The following EFR3A variants were observed in gnomAD, a reference collection of about 807,000 sequenced individuals.
EFR3A encodes the protein EFR3 homolog A.
A neutral mutation model predicts 104.4 loss-of-function variants in EFR3A; 76 were observed. The ratio of observed to expected loss-of-function variants is 0.73; its 90% CI spans 0.60 to 0.88. The LOEUF is 0.88. Ranked by LOEUF, EFR3A falls within the 40% of genes least tolerant of loss-of-function variation. EFR3A has a pLI of 0.00. For missense variants in EFR3A, 985 were observed against 1,012.5 expected, an observed-to-expected ratio of 0.97 and a Z score of 0.37; for synonymous variants, 330 against 330.0, an observed-to-expected ratio of 1.00 and a Z score of 0.00.
intron 8 of EFR3A, among the ~76,000 whole-genome samples, chr8:131,964,566 T>C (rs941537870): frequency 7.2e-5 from 11 of 152,032 alleles, no homozygotes; most frequent in African/African-American, 2.7e-4. Flanking sequence ...CTCAACGAAA[T>C]AAAAGACTAT....
At chr8:131,979,169 T>C (rs1820474008) in intron 13 of EFR3A, 150 bp downstream of exon 13, 5 of 1,090,170 alleles carry the variant, frequency 4.6e-6, no homozygotes, top group East Asian at 2.6e-5. Flanking sequence ...ATTTAATCAA[T>C]ATGTTTTAAG....
Position 131,946,493 on chromosome 8 carries a change from A to G in EFR3A, c.226A>G (p.Ile76Val). 2 of 1,578,690 alleles carry G rather than the reference A, an allele frequency of 1.3e-6. No homozygotes were observed. Among genetic ancestry groups the G allele is most frequent in the South Asian group, 2.3e-5 (2 of 85,128 alleles). Reference protein sequence around the residue: ...VVRHRSGYVLIAMEALDQLLM... With the variant: ...VVRHRSGYVLVAMEALDQLLM... Reference sequence around the variant, plus strand: ...TTCTCCTACATGTAGGTATGTTTTGATTGCTATGGAGGCACTGGACCAACT... The same window carrying G: ...TTCTCCTACATGTAGGTATGTTTTGGTTGCTATGGAGGCACTGGACCAACT... Residue 76 changes from isoleucine to valine, a missense_variant, in exon 4 of 23, where the codon ATT becomes GTT. Ile to Val is a conservative substitution (Grantham distance 29). Coordinates refer to ENST00000254624, the MANE Select transcript of EFR3A (RefSeq NM_015137.6).
intron 1 of EFR3A, among the ~76,000 whole-genome samples, chr8:131,916,275 A>G (rs1282308471): frequency 2.6e-5 from 4 of 152,188 alleles, no homozygotes; most frequent in Non-Finnish European, 5.9e-5. Flanking sequence ...TTGGACTTGG[A>G]TGGTGGTTGT....
chr8:131,984,207 T>C lies in EFR3A; in HGVS notation c.1644T>C (p.Tyr548=), dbSNP rs1820760082. The C allele has an allele frequency of 1.2e-5, 19 of 1,612,224 alleles. No individual in the cohort carries two copies. The East Asian group carries it at 4.2e-4, about 36-fold the overall frequency. ...CKEEDNVQKN[Y]ELLYTSLALI... is the part of the protein sequence containing the mutation. ...AGGAAGACAACGTTCAGAAAAACTA[T>C]GAACTACTTTATACTTCTCTTGCTC... The change falls in exon 15 of 23, where the codon TAT becomes TAC. Residue 548 remains tyrosine, a synonymous_variant. Coordinates refer to ENST00000254624, the MANE Select transcript of EFR3A (RefSeq NM_015137.6).
At chr8:132,010,115 T>C (rs1248609157) in intron 22 of EFR3A, among the ~76,000 whole-genome samples, 2 of 152,014 alleles carry the variant, frequency 1.3e-5, no homozygotes, top group African/African-American at 4.8e-5. Context: ...ACCTCTCAGA[T>C]TGGCAAAGCT....
At chr8:132,009,984 G>A (rs749916573) in intron 22 of EFR3A, among the ~76,000 whole-genome samples, 5 of 151,912 alleles carry the variant, frequency 3.3e-5, no homozygotes, top group Non-Finnish European at 7.4e-5. Context: ...TAGGATTAGA[G>A]GCAGTGGACT....
intron 1 of EFR3A, among the ~76,000 whole-genome samples, chr8:131,934,203 A>G (rs1183947215): frequency 6.6e-6 from 1 of 152,146 alleles, no homozygotes; most frequent in Non-Finnish European, 1.5e-5. Flanking sequence ...TTTCTTTCAA[A>G]GCTCTGGGAC....
At chr8:131,921,528 A>G (rs1276545486) in intron 1 of EFR3A, among the ~76,000 whole-genome samples, 1 of 152,218 alleles carries the variant, frequency 6.6e-6, no homozygotes, top group Admixed American at 6.5e-5. Flanking sequence ...AGACATGAGA[A>G]TGAAACAGAC....
In EFR3A at chr8:131,955,774, A is replaced by G; in HGVS notation, c.645A>G (p.Ile215Met). 6.2e-7 allele frequency: 1 copy of G among 1,612,514 alleles called. No individual in the cohort carries two copies. Among genetic ancestry groups the G allele is most frequent in the Non-Finnish European group, 8.5e-7 (1 of 1,179,124 alleles). ...MQKIEEVDSR[I>M]GPPSSPSATD... The stretch of plus-strand genomic sequence containing the variant: ...ATTTCTCGTTCCTTTTTAGTCGCAT[A>G]GGCCCTCCTTCTTCTCCTTCTGCAA... Residue 215 changes from isoleucine (I) to methionine (M), a missense_variant, in exon 7 of 23, where the codon ATA (isoleucine) becomes ATG (methionine). Ile to Met is a conservative substitution (Grantham distance 10, BLOSUM62 1). Transcript: ENST00000254624.
intron 6 of EFR3A, 82 bp downstream of exon 6, chr8:131,954,049 C>T: frequency 7.7e-7 from 1 of 1,293,736 alleles, no homozygotes. Flanking sequence ...AATGTTTTGT[C>T]TTTAGTACTC....
chr8:131,918,670 T>C (rs1018716942), intron 1 of EFR3A, among the ~76,000 whole-genome samples: 2 of 152,230 alleles, frequency 1.3e-5, no homozygotes, highest in African/African-American at 2.4e-5. Flanking sequence ...CTCTAACATA[T>C]GGCATAGATG....
intron 10 of EFR3A, among the ~76,000 whole-genome samples, chr8:131,971,967 C>G (rs1820078814): frequency 6.6e-6 from 1 of 152,090 alleles, no homozygotes; most frequent in South Asian, 2.1e-4. Context: ...ATTTATAATT[C>G]TTGTCTGAAT....
intron 17 of EFR3A, among the ~76,000 whole-genome samples, chr8:131,987,191 C>T (rs974893246): frequency 2.6e-5 from 4 of 152,096 alleles, no homozygotes; most frequent in African/African-American, 9.7e-5. Context: ...ATGTGGTTTT[C>T]ATTAACAATC....
chr8:131,955,941 T>C, intron 7 of EFR3A, 36 bp downstream of exon 7: 1 of 1,608,924 alleles, frequency 6.2e-7, no homozygotes, highest in Non-Finnish European at 8.5e-7. Flanking sequence ...ATTTGTGATT[T>C]TGCTGTATTA....
At chr8:131,952,405 T>C (rs570115137) in intron 5 of EFR3A, among the ~76,000 whole-genome samples, 2 of 152,314 alleles carry the variant, frequency 1.3e-5, no homozygotes, top group African/African-American at 2.4e-5. Context: ...GATGAAGCTG[T>C]GTAGCTATAG....
Position 132,001,802 on chromosome 8 carries a change from C to G in EFR3A, c.2201C>G (p.Ala734Gly), listed in dbSNP as rs1001603534. ...ATCACTTTTGAAGCATTGAAGAAAG[C>G]AATTGGTGAGATATTTTGCACTTGT... ...EEITFEALKK[A>G]IDTSGMEEQE... Residue 734 changes from alanine to glycine, a missense_variant, in exon 20 of 23, where the codon GCA becomes GGA. By Grantham distance (60) the Ala-to-Gly change is moderately conservative. Coordinates refer to ENST00000254624, the MANE Select transcript of EFR3A (RefSeq NM_015137.6). The G allele has an allele frequency of 6.2e-7, 1 of 1,612,828 alleles. No homozygotes were observed. Among genetic ancestry groups the G allele is most frequent in the African/African-American group, 1.3e-5 (1 of 74,896 alleles).
intron 14 of EFR3A, among the ~76,000 whole-genome samples, chr8:131,983,031 G>C (rs6471020): frequency 0.37 from 56,751 of 151,972 alleles, 10,905 homozygotes; most frequent in East Asian, 0.61. Context: ...GCCTCCTTAC[G>C]GGGATGGGAC....
At chr8:131,976,675 C>A (rs1820340682) in intron 11 of EFR3A, among the ~76,000 whole-genome samples, 1 of 151,878 alleles carries the variant, frequency 6.6e-6, no homozygotes, top group Non-Finnish European at 1.5e-5. Flanking sequence ...ATTGTTCTTA[C>A]CTGTTTATTC....
intron 8 of EFR3A, 128 bp downstream of exon 8, chr8:131,959,791 CTCAT>C (rs1819211373): frequency 1.8e-6 from 1 of 553,286 alleles, no homozygotes. Context: ...GCTCTTTTGT[CTCAT>C]TCATTTTCAT....
Sources: gnomAD v4.1 joint callset for allele counts (sites outside exome capture counted in the v4.1 genomes callset) on GRCh38, gnomAD v4.1.1 for gene constraint, MANE v1.5 for transcripts, NCBI Gene and HGNC (gene_info 2026-07-23, HGNC 2026-07-21) for gene names.